The following GNL2 variants were observed in gnomAD, a reference collection of about 807,000 sequenced individuals.
GNL2 encodes nucleolar GTP-binding protein 2.
A neutral mutation model predicts 92.3 loss-of-function variants in GNL2; 51 were observed. That is an observed-to-expected ratio of 0.55 (90% CI 0.44 to 0.70). GNL2 has a LOEUF of 0.70. Ranked by LOEUF, GNL2 falls within the 30% of genes least tolerant of loss-of-function variation. The pLI is 0.00. For missense variants in GNL2, 844 were observed against 895.6 expected (o/e 0.94, Z 0.74); for synonymous variants, 283 against 300.6 (o/e 0.94, Z 0.61).
At chr1:37,594,820 C>T (rs942965949) in intron 1 of GNL2, among the ~76,000 whole-genome samples, 4 of 152,228 alleles carry the variant, frequency 2.6e-5, no homozygotes. Context: ...GGATTACAGG[C>T]GTGAGCCACC....
Position 37,576,564 on chromosome 1 carries a change from A to T in GNL2, c.910-8T>A. Reference sequence around the variant, plus strand: ...TTTCTTGTCAGTGTGCAACTGTTCAAAGAGAGAATACACAGCACATACATG... The same window carrying T: ...TTTCTTGTCAGTGTGCAACTGTTCATAGAGAGAATACACAGCACATACATG... On this transcript the variant is annotated splice_polypyrimidine_tract_variant and splice_region_variant and intron_variant, in intron 8 of 15. Transcript: ENST00000373062. 1 of 1,613,324 alleles carries T rather than the reference A, an allele frequency of 6.2e-7. No homozygotes were observed. Among genetic ancestry groups the T allele is most frequent in the Non-Finnish European group, 8.5e-7 (1 of 1,179,692 alleles).
chr1:37,588,721 G>C (rs976536168), intron 4 of GNL2, among the ~76,000 whole-genome samples: 19 of 152,172 alleles, frequency 1.2e-4, no homozygotes, highest in African/African-American at 4.6e-4. Flanking sequence ...TACTCTTACT[G>C]TATTGCTACA....
In GNL2 at chr1:37,574,721, C is replaced by T. The variant is rs1643649948; in HGVS notation, c.1246G>A (p.Glu416Lys). 1 of 1,613,778 alleles carries T rather than the reference C, an allele frequency of 6.2e-7. No individual in the cohort carries two copies. The highest frequency in any genetic ancestry group is 8.5e-7 in the Non-Finnish European group (1 of 1,179,792). Residue 416 changes from glutamate to lysine, a missense_variant, in exon 11 of 16, where the codon GAG becomes AAG. By Grantham distance (56) the Glu-to-Lys change is moderately conservative (BLOSUM62 1). Coordinates refer to ENST00000373062, the MANE Select transcript of GNL2 (RefSeq NM_013285.3). ...ISKTYKIDSW[E>K]NAEDFLEKLA... ...TTCTCAAGAAAGTCCTCAGCATTCTCCCAAGAATCAATCTTGTATGTTTTG... is the reference window on the plus strand; with the variant it reads ...TTCTCAAGAAAGTCCTCAGCATTCTTCCAAGAATCAATCTTGTATGTTTTG...
Position 37,582,368 on chromosome 1 carries a change from C to G in GNL2, c.796-32G>C, listed in dbSNP as rs775614692. 6.9e-6 allele frequency: 9 copies of G among 1,300,598 alleles called. No individual in the cohort carries two copies. In the East Asian group the frequency reaches 1.9e-4, roughly 27 times the overall value. The allele number at this position is 1,300,598 out of a possible 1,614,324, so 80.6% of individuals were successfully genotyped here. On this transcript the variant is annotated intron_variant, in intron 7 of 15. Coordinates refer to ENST00000373062, the MANE Select transcript of GNL2 (RefSeq NM_013285.3). ...GGAGAGATGAAAACATTTTGGTAAA[C>G]TGCAGTACATTTATTTACATTATGT... is the stretch of plus-strand genomic sequence containing the variant.
chr1:37,571,364 C>G (rs781765736), intron 12 of GNL2, among the ~76,000 whole-genome samples: 1 of 152,144 alleles, frequency 6.6e-6, no homozygotes, highest in Non-Finnish European at 1.5e-5. Flanking sequence ...GATATGCACC[C>G]CCATTGTTCC....
At chr1:37,579,993 G>A (rs1643741064) in intron 8 of GNL2, among the ~76,000 whole-genome samples, 1 of 151,820 alleles carries the variant, frequency 6.6e-6, no homozygotes, top group African/African-American at 2.4e-5. Context: ...AACTGAGGGA[G>A]GAAAGAAAAT....
rs890832962 is a variant in GNL2 at position 37,593,901 on chromosome 1, A to G, written c.65-55T>C. Reference sequence around the variant, plus strand: ...ATTTGATAACCAACCAGTATAACCAACAAGTCATTGCTTAAAATGCAACAA... The same window carrying G: ...ATTTGATAACCAACCAGTATAACCAGCAAGTCATTGCTTAAAATGCAACAA... On this transcript the variant is annotated intron_variant, in intron 1 of 15. Transcript: ENST00000373062. 3 of 1,297,474 alleles carry G rather than the reference A, an allele frequency of 2.3e-6. No individual in the cohort carries two copies. In the African/African-American group the frequency reaches 4.4e-5, roughly 19 times the overall value. The allele number at this position is 1,297,474 out of a possible 1,614,324, so 80.4% of individuals were successfully genotyped here. A position where few individuals can be genotyped will look rare whatever the true frequency, so the allele number is the denominator to read the frequency against.
At chr1:37,571,930 A>G (rs1570050419) in intron 12 of GNL2, among the ~76,000 whole-genome samples, 1 of 151,454 alleles carries the variant, frequency 6.6e-6, no homozygotes, top group Admixed American at 6.6e-5. Context: ...CCACCATGAC[A>G]CCCTCTCCTG....
intron 5 of GNL2, among the ~76,000 whole-genome samples, chr1:37,584,198 C>T (rs190256376): frequency 1.3e-5 from 2 of 152,204 alleles, no homozygotes; most frequent in Non-Finnish European, 1.5e-5. Flanking sequence ...CCTGTAATTC[C>T]AGCACTTTGG....
chr1:37,574,327 C>T lies in GNL2; in HGVS notation c.1416+16G>A. Reference sequence around the variant, plus strand: ...AGGACCCATGCTCCCCAGAGGTGGGCCCACCCTGCTCTTACCTGGGGGGCC... The same window carrying T: ...AGGACCCATGCTCCCCAGAGGTGGGTCCACCCTGCTCTTACCTGGGGGGCC... On this transcript the variant is annotated intron_variant, in intron 12 of 15. Transcript: ENST00000373062. 2 of 1,572,524 alleles carry T rather than the reference C, an allele frequency of 1.3e-6. No homozygotes were observed. The highest frequency in any genetic ancestry group is 1.7e-6 in the Non-Finnish European group (2 of 1,143,842).
rs1291874998 is a variant in GNL2, at chr1:37,568,554, A to C, written c.1869-197T>G. The stretch of plus-strand genomic sequence containing the variant: ...AAGCTTCTCATACTGCAGGCAGCTG[A>C]ATTTTACAAAATTTACAGTTCACTT... On this transcript the variant is annotated intron_variant, in intron 13 of 15. Transcript: ENST00000373062. 5 of 602,724 alleles carry C rather than the reference A, an allele frequency of 8.3e-6. No homozygotes were observed. The Admixed American group carries it at 1.5e-4, about 19-fold the overall frequency. The allele number at this position is 602,724 out of a possible 1,614,324, so 37.3% of individuals were successfully genotyped here. A position where few individuals can be genotyped will look rare whatever the true frequency, so the allele number is the denominator to read the frequency against.
Position 37,582,216 on chromosome 1 carries a change from T to C in GNL2, c.909+7A>G. 1 of 1,575,128 alleles carries C rather than the reference T, an allele frequency of 6.3e-7. No individual in the cohort carries two copies. Among genetic ancestry groups the C allele is most frequent in the East Asian group, 2.2e-5 (1 of 44,592 alleles). On this transcript the variant is annotated splice_region_variant and intron_variant, in intron 8 of 15. Transcript: ENST00000373062. Reference sequence around the variant, plus strand: ...AACTCCAGGAGAAACAGATCAGGGCTCAATACCTTTCCAAACTGCCGCAGA... The same window carrying C: ...AACTCCAGGAGAAACAGATCAGGGCCCAATACCTTTCCAAACTGCCGCAGA...
chr1:37,593,565 A>G (rs1643900954), intron 2 of GNL2, 197 bp downstream of exon 2: 6 of 517,420 alleles, frequency 1.2e-5, no homozygotes, highest in Non-Finnish European at 2.1e-5. Flanking sequence ...AACCATCACT[A>G]TTTCACCGCC....
intron 6 of GNL2, among the ~76,000 whole-genome samples, 170 bp downstream of exon 6, chr1:37,583,697 G>A (rs992071422): frequency 6.6e-6 from 1 of 152,204 alleles, no homozygotes; most frequent in African/African-American, 2.4e-5. Context: ...CAGTTACCTA[G>A]ATCAATGGTA....
intron 8 of GNL2, among the ~76,000 whole-genome samples, chr1:37,579,549 C>CA (rs879543274): frequency 2.9e-3 from 336 of 117,358 alleles, no homozygotes; most frequent in African/African-American, 5.5e-3. Context: ...CTCTGTCTCA[C>CA]AAAAAAAAAA....
At chr1:37,594,570 C>A (rs1643909888) in intron 1 of GNL2, among the ~76,000 whole-genome samples, 1 of 152,054 alleles carries the variant, frequency 6.6e-6, no homozygotes, top group Non-Finnish European at 1.5e-5. Context: ...GAGACAGAGT[C>A]GTGCTCTGTC....
intron 12 of GNL2, among the ~76,000 whole-genome samples, chr1:37,572,044 A>G (rs1489786003): frequency 6.6e-5 from 10 of 151,952 alleles, no homozygotes; most frequent in Admixed American, 6.6e-4. Flanking sequence ...TGCCTGGAAC[A>G]TTCTCCCTAG....
At chr1:37,576,590 C>A in intron 8 of GNL2, 34 bp from the exon 9 acceptor site, 2 of 1,605,754 alleles carry the variant, frequency 1.2e-6, no homozygotes, top group Non-Finnish European at 1.7e-6. Flanking sequence ...CACATACATG[C>A]AGTCATATAT....
At chr1:37,582,501 C>T (rs772662953) in intron 7 of GNL2, among the ~76,000 whole-genome samples, 165 bp from the exon 8 acceptor site, 1 of 152,218 alleles carries the variant, frequency 6.6e-6, no homozygotes, top group Non-Finnish European at 1.5e-5. Context: ...ACAGTTAATG[C>T]TTTGTTCTTC....
Sources: gnomAD v4.1 joint callset for allele counts (sites outside exome capture counted in the v4.1 genomes callset) on GRCh38, gnomAD v4.1.1 for gene constraint, MANE v1.5 for transcripts, NCBI Gene and HGNC (gene_info 2026-07-23, HGNC 2026-07-21) for gene names.